The following DOCK8 variants were observed in gnomAD, a reference collection of about 807,000 sequenced individuals.
DOCK8 encodes dedicator of cytokinesis protein 8.
Under a neutral mutation model 245.6 loss-of-function variants are expected in DOCK8, and 141 were observed. The ratio of observed to expected loss-of-function variants is 0.57; its 90% CI spans 0.50 to 0.66. The LOEUF (loss-of-function observed/expected upper bound fraction) is 0.66, where lower values mean the gene tolerates loss of function less well. Among genes scored for constraint, DOCK8 ranks in the 30% least tolerant of loss-of-function variants. The pLI, the probability that DOCK8 is intolerant of heterozygous loss-of-function variation, is 0.00. For missense variants in DOCK8, 2,965 were observed against 2,603.4 expected (o/e 1.14, Z -3.02); for synonymous variants, 1,168 against 970.2 (o/e 1.20, Z -3.79).
At chr9:406,869 G>A in intron 27 of DOCK8, 61 bp from the exon 28 acceptor site, 3 of 1,611,100 alleles carry the variant, frequency 1.9e-6, no homozygotes, top group Admixed American at 1.7e-5. Flanking sequence ...GTAAACACTG[G>A]CCATCGCTAT....
At chr9:433,347 C>A (rs7040842) in intron 37 of DOCK8, among the ~76,000 whole-genome samples, 106,067 of 152,010 alleles carry the variant, frequency 0.7, 38,004 homozygotes, top group East Asian at 0.98. Context: ...GCCAGGGTCT[C>A]TAGATCAAGC....
intron 4 of DOCK8, among the ~76,000 whole-genome samples, chr9:301,868 A>G (rs188387283): frequency 6.8e-4 from 103 of 152,220 alleles, no homozygotes; most frequent in Non-Finnish European, 2.8e-4. Context: ...ATGGACAAAT[A>G]TTCCATGCTC....
upstream of DOCK8, among the ~76,000 whole-genome samples, chr9:211,504 G>A (rs1242250204): frequency 1.3e-5 from 2 of 152,098 alleles, no homozygotes; most frequent in Non-Finnish European, 1.5e-5. Flanking sequence ...GAGGCTACAG[G>A]CAGTGAAGCC....
At chr9:335,935 T>A (rs1408775617) in intron 11 of DOCK8, among the ~76,000 whole-genome samples, 1 of 151,898 alleles carries the variant, frequency 6.6e-6, no homozygotes, top group Non-Finnish European at 1.5e-5. Flanking sequence ...AACCCATGAG[T>A]TTTTGCAATA....
chr9:432,144 T>G, intron 36 of DOCK8, 22 bp from the exon 37 acceptor site: 1 of 1,366,378 alleles, frequency 7.3e-7, no homozygotes, highest in Non-Finnish European at 9.8e-7. Context: ...CTTCATCTTT[T>G]TTTTTTTTTT....
intron 33 of DOCK8, among the ~76,000 whole-genome samples, chr9:424,760 A>G (rs2056418705): frequency 6.6e-6 from 1 of 152,232 alleles, no homozygotes; most frequent in Admixed American, 6.5e-5. Context: ...TGGTTGCACA[A>G]TATGAATGTA....
intron 8 of DOCK8, among the ~76,000 whole-genome samples, chr9:325,999 G>C (rs1250105126): frequency 6.6e-6 from 1 of 152,122 alleles, no homozygotes; most frequent in Non-Finnish European, 1.5e-5. Flanking sequence ...TAGCGCATGG[G>C]GTTATGTATA....
intron 26 of DOCK8, among the ~76,000 whole-genome samples, chr9:403,912 A>C (rs1324672830): frequency 1.0e-3 from 88 of 87,200 alleles, no homozygotes; most frequent in African/African-American, 1.9e-3. Flanking sequence ...ATATATATAT[A>C]TATACATATA....
chr9:335,606 A>G (rs1216947200), intron 11 of DOCK8, among the ~76,000 whole-genome samples: 1 of 152,122 alleles, frequency 6.6e-6, no homozygotes, highest in Admixed American at 6.5e-5. Context: ...AATGCCGTCT[A>G]TGTAGACCCA....
intron 9 of DOCK8, among the ~76,000 whole-genome samples, chr9:330,063 C>CT (rs1429910994): frequency 1.3e-5 from 2 of 152,080 alleles, no homozygotes; most frequent in Non-Finnish European, 2.9e-5. Flanking sequence ...GGGCTTCTTT[C>CT]TTTTTTGTTT....
At chr9:228,901 G>C (rs551548142) in intron 1 of DOCK8, among the ~76,000 whole-genome samples, 1 of 152,190 alleles carries the variant, frequency 6.6e-6, no homozygotes, top group Non-Finnish European at 1.5e-5. Context: ...CACAAGTCCA[G>C]GACCTTGGTG....
intron 1 of DOCK8, among the ~76,000 whole-genome samples, chr9:250,681 G>A (rs1433527607): frequency 6.6e-6 from 1 of 152,196 alleles, no homozygotes; most frequent in Non-Finnish European, 1.5e-5. Flanking sequence ...GCCCATTCAA[G>A]AAACTGAGGA....
chr9:463,439 G>GT (rs1564097346), intron 46 of DOCK8, 78 bp from the exon 47 acceptor site: 1 of 1,562,622 alleles, frequency 6.4e-7, no homozygotes, highest in African/African-American at 1.4e-5. Context: ...TCGAAAAATC[G>GT]TAAGTAATTT....
chr9:265,014 C>T (rs1587688131), intron 1 of DOCK8, among the ~76,000 whole-genome samples: 1 of 152,214 alleles, frequency 6.6e-6, no homozygotes, highest in African/African-American at 2.4e-5. Context: ...TCACTGCAAC[C>T]TCCACCTCCC....
At chr9:396,713 T>A (rs2054473727) in intron 24 of DOCK8, 72 bp from the exon 25 acceptor site, 2 of 1,589,350 alleles carry the variant, frequency 1.3e-6, no homozygotes, top group Admixed American at 3.3e-5. Context: ...CTGTGAGTCT[T>A]TCCCCCTTTT....
intron 1 of DOCK8, among the ~76,000 whole-genome samples, chr9:245,357 A>C (rs1411636602): frequency 1.3e-5 from 2 of 152,022 alleles, no homozygotes; most frequent in Non-Finnish European, 2.9e-5. Flanking sequence ...GGCAAGCACC[A>C]CCATGCCTGG....
chr9:374,462 T>G (rs1049930069), intron 18 of DOCK8, among the ~76,000 whole-genome samples: 6 of 141,800 alleles, frequency 4.2e-5, no homozygotes, highest in African/African-American at 1.3e-4. Context: ...TGTTTTTTTT[T>G]TTTTTTTTTT....
intron 14 of DOCK8, among the ~76,000 whole-genome samples, chr9:366,842 A>G (rs976410572): frequency 6.6e-6 from 1 of 152,164 alleles, no homozygotes; most frequent in Non-Finnish European, 1.5e-5. Flanking sequence ...GCAGGTTGAC[A>G]TGCCACTGTT....
At chr9:337,471 C>G (rs1277284994) in intron 12 of DOCK8, among the ~76,000 whole-genome samples, 1 of 152,154 alleles carries the variant, frequency 6.6e-6, no homozygotes, top group African/African-American at 2.4e-5. Context: ...TATGCTATGA[C>G]AACAGTCTGG....
Sources: allele counts gnomAD v4.1 joint callset (sites outside exome capture counted in the v4.1 genomes callset), GRCh38; gene constraint gnomAD v4.1.1; transcripts MANE v1.5; gene names NCBI Gene and HGNC (gene_info 2026-07-23, HGNC 2026-07-21).